PIAS2: variants seen among roughly 807,000 people sequenced by gnomAD.
PIAS2 encodes E3 SUMO-protein ligase PIAS2.
Under a neutral mutation model 69.7 loss-of-function variants are expected in PIAS2, and 19 were observed. That is an observed-to-expected ratio of 0.27 (90% confidence interval 0.19 to 0.40). PIAS2 has a LOEUF of 0.40. Among genes scored for constraint, PIAS2 ranks in the 10% least tolerant of loss-of-function variants. The pLI is 1.00. For missense variants in PIAS2, 624 were observed against 757.0 expected (o/e 0.82, Z 2.06); for synonymous variants, 261 against 263.2 (o/e 0.99, Z 0.08).
intron 9 of PIAS2, 146 bp from the exon 10 acceptor site, chr18:46,830,013 A>C: frequency 1.6e-6 from 1 of 632,346 alleles, no homozygotes; most frequent in Non-Finnish European, 2.7e-6. Flanking sequence ...ATACTTTACA[A>C]CAATTATTAC....
intron 3 of PIAS2, among the ~76,000 whole-genome samples, chr18:46,857,850 A>G (rs2048068973): frequency 6.6e-6 from 1 of 152,256 alleles, no homozygotes; most frequent in Admixed American, 6.5e-5. Context: ...CAGATACAAA[A>G]GAAGCATTTA....
At chr18:46,823,374 T>C (rs1035322225) in intron 11 of PIAS2, among the ~76,000 whole-genome samples, 1 of 152,150 alleles carries the variant, frequency 6.6e-6, no homozygotes, top group African/African-American at 2.4e-5. Context: ...ACACTGGAGA[T>C]TTTCTTTTGT....
At chr18:46,917,549 C>G, upstream of PIAS2, 3 of 1,129,100 alleles carry the variant, frequency 2.7e-6, no homozygotes, top group South Asian at 1.3e-4. Flanking sequence ...CGAAGCCCCG[C>G]CCCTAGCGGT....
At position 46,804,186 on chromosome 18, in the gene PIAS2, A is replaced by G. The variant is rs1394663313; in HGVS notation, c.*8247T>C. ...ATGTTAGGCTCTGGGATGCAAGTGA[A>G]AAAAGTTATCACCTCTGCCCTCATG... On this transcript the variant is annotated 3_prime_UTR_variant, in exon 14 of 14. Coordinates refer to ENST00000585916, the MANE Select transcript of PIAS2 (RefSeq NM_004671.5). 2 of 144,196 alleles carry G rather than the reference A, an allele frequency of 1.4e-5. No homozygotes were observed. The highest frequency in any genetic ancestry group is 2.9e-5 in the African/African-American group (1 of 34,290). The allele number at this position is 144,196 out of a possible 1,614,324, so 8.9% of individuals were successfully genotyped here.
chr18:46,853,766 G>A (rs1200832027), intron 5 of PIAS2: 1 of 152,480 alleles, frequency 6.6e-6, no homozygotes, highest in Non-Finnish European at 1.5e-5. Flanking sequence ...TCCAGCCTGG[G>A]TGACACAGCA....
At chr18:46,905,057 G>A (rs2056420865) in intron 1 of PIAS2, among the ~76,000 whole-genome samples, 1 of 152,078 alleles carries the variant, frequency 6.6e-6, no homozygotes. Context: ...ATATAAAACT[G>A]CACCAAAAAC....
At chr18:46,859,478 C>T (rs1344318601) in intron 3 of PIAS2, among the ~76,000 whole-genome samples, 1 of 142,234 alleles carries the variant, frequency 7.0e-6, no homozygotes, top group Non-Finnish European at 1.5e-5. Context: ...AGCAAACAGA[C>T]AGGATGTGGT....
chr18:46,897,457 T>C (rs757949595), intron 1 of PIAS2, among the ~76,000 whole-genome samples: 3 of 152,158 alleles, frequency 2.0e-5, no homozygotes, highest in Non-Finnish European at 4.4e-5. Flanking sequence ...AAAAGAATAA[T>C]AACTGCATTG....
chr18:46,861,255 A>ATG (rs2048623250), intron 3 of PIAS2, among the ~76,000 whole-genome samples: 1 of 152,220 alleles, frequency 6.6e-6, no homozygotes, highest in Non-Finnish European at 1.5e-5. Context: ...TAAACAAACA[A>ATG]AATGAATGAA....
intron 2 of PIAS2, among the ~76,000 whole-genome samples, chr18:46,883,339 C>CCAGA (rs1346984431): frequency 2.0e-5 from 3 of 152,088 alleles, no homozygotes; most frequent in African/African-American, 7.2e-5. Context: ...CACCAGCCAG[C>CCAGA]CAGACATATC....
chr18:46,830,595 G>C (rs1241403673), intron 9 of PIAS2, among the ~76,000 whole-genome samples: 2 of 151,384 alleles, frequency 1.3e-5, no homozygotes, highest in African/African-American at 2.4e-5. Context: ...GTAAAAGCAA[G>C]AAAAGAGAAA....
In PIAS2 at chr18:46,855,997, G is replaced by GTTTTTTT. The variant is rs1171297653; in HGVS notation, c.585-389_585-383dup. On this transcript the variant is annotated intron_variant, in intron 3 of 13. Coordinates refer to ENST00000585916, the MANE Select transcript of PIAS2 (RefSeq NM_004671.5). ...TTGAAGACTTTTTTCTTTTTCTTTT[G>GTTTTTTT]TTTTTTTTTTTTTTTTTTTTTTTTT... Among the ~76,000 whole-genome samples, 89 of 67,964 alleles carry GTTTTTTT rather than the reference G, an allele frequency of 1.3e-3. 10 individuals are homozygous for GTTTTTTT. The highest frequency in any genetic ancestry group is 3.1e-3 in the African/African-American group (52 of 16,686). The allele number at this position is 67,964 out of a possible 152,430, so 44.6% of individuals were successfully genotyped here.
rs1345521222 is a variant in PIAS2 at position 46,809,277 on chromosome 18, T to C, written c.*3156A>G. On this transcript the variant is annotated 3_prime_UTR_variant, in exon 14 of 14. Transcript: ENST00000585916. ...TTTCATTTTGCCTTTACAATTACCT[T>C]AGGACAGATGCCAAGTTTTTATAAC... 2 of 152,176 alleles carry C rather than the reference T, an allele frequency of 1.3e-5. No homozygotes were observed. The highest frequency in any genetic ancestry group is 3.8e-4 in the East Asian group (2 of 5,196). 9.4% of individuals were successfully genotyped at this position (152,176 alleles called of 1,614,324 possible).
intron 1 of PIAS2, 52 bp from the exon 2 acceptor site, chr18:46,891,106 A>C (rs2054013328): frequency 8.0e-7 from 1 of 1,255,494 alleles, no homozygotes; most frequent in South Asian, 1.3e-5. Flanking sequence ...AGCATACAAA[A>C]ATCCTATCTA....
intron 2 of PIAS2, among the ~76,000 whole-genome samples, chr18:46,869,735 G>A (rs182281683): frequency 5.3e-4 from 81 of 152,228 alleles, no homozygotes; most frequent in Non-Finnish European, 8.7e-4. Context: ...TGTTTCATTT[G>A]GACCACAGAG....
In PIAS2 at chr18:46,852,188, C is replaced by G. The variant is rs577616290; in HGVS notation, c.726+3157G>C. Among the ~76,000 whole-genome samples, 3 of 152,290 alleles carry G rather than the reference C, an allele frequency of 2.0e-5. No individual in the cohort carries two copies. The South Asian group carries it at 6.2e-4, about 32-fold the overall frequency. On this transcript the variant is annotated intron_variant, in intron 5 of 13. Transcript: ENST00000585916. ...TTAAAAAGACTCCACATTTCATTAT[C>G]CCAATCAATAGCAACTGTGGATCAA...
intron 13 of PIAS2, among the ~76,000 whole-genome samples, chr18:46,813,504 G>C (rs1251042530): frequency 6.6e-6 from 1 of 152,180 alleles, no homozygotes; most frequent in African/African-American, 2.4e-5. Flanking sequence ...AAGAGGTCTA[G>C]TGATATCCTG....
chr18:46,835,599 T>A (rs892192109), intron 9 of PIAS2, among the ~76,000 whole-genome samples: 3 of 152,172 alleles, frequency 2.0e-5, no homozygotes, highest in Non-Finnish European at 4.4e-5. Context: ...GCTTAAAACA[T>A]TTTCAAGTTG....
At chr18:46,833,510 A>G (rs568190968) in intron 9 of PIAS2, among the ~76,000 whole-genome samples, 3 of 152,336 alleles carry the variant, frequency 2.0e-5, no homozygotes, top group Admixed American at 2.0e-4. Context: ...TACATTTTAC[A>G]TGAGTAGTTC....
Sources: allele counts gnomAD v4.1 joint callset (sites outside exome capture counted in the v4.1 genomes callset), GRCh38; gene constraint gnomAD v4.1.1; transcripts MANE v1.5; gene names NCBI Gene and HGNC (gene_info 2026-07-23, HGNC 2026-07-21).